The following DNAH9 variants were observed in gnomAD, a reference collection of about 807,000 sequenced individuals.
DNAH9 encodes DNAH9 variant protein.
A neutral mutation model predicts 471.6 loss-of-function variants in DNAH9; 345 were observed. The ratio of observed to expected loss-of-function variants is 0.73; its 90% confidence interval spans 0.67 to 0.80. The LOEUF is 0.80. Ranked by LOEUF, DNAH9 falls within the 30% of genes least tolerant of loss-of-function variation. DNAH9 has a pLI of 0.00. For missense variants in DNAH9, 5,407 were observed against 5,609.2 expected (o/e 0.96, Z 1.15); for synonymous variants, 2,093 against 2,123.6 (o/e 0.99, Z 0.40).
intron 45 of DNAH9, among the ~76,000 whole-genome samples, chr17:11,816,117 G>GT (rs111387367): frequency 0.1 from 15,314 of 152,114 alleles, 2,032 homozygotes; most frequent in African/African-American, 0.3. Flanking sequence ...TTAGGAATGA[G>GT]TTCCCCATAT....
rs560178774 is a variant in DNAH9 at position 11,809,722 on chromosome 17, A to G, written c.8584-524A>G. ...GGTCATTCAGTTGTTTGAGTCTTACATATAAGTAAGACGTAAGACATACTT... is the reference window on the plus strand; with the variant it reads ...GGTCATTCAGTTGTTTGAGTCTTACGTATAAGTAAGACGTAAGACATACTT... On this transcript the variant is annotated intron_variant, in intron 44 of 68. Coordinates refer to ENST00000262442, the MANE Select transcript of DNAH9 (RefSeq NM_001372.4). 2.6e-3 allele frequency among the ~76,000 whole-genome samples: 395 copies of G among 152,284 alleles called. 1 individual carries two copies. Among genetic ancestry groups the G allele is most frequent in the Non-Finnish European group, 3.8e-3 (260 of 68,020 alleles).
At chr17:11,737,022 G>A (rs1311258544) in intron 28 of DNAH9, among the ~76,000 whole-genome samples, 1 of 152,232 alleles carries the variant, frequency 6.6e-6, no homozygotes, top group Non-Finnish European at 1.5e-5. Context: ...GGGTGATGAA[G>A]GCTGCAAGAG....
At chr17:11,712,963 A>G (rs570271825) in intron 26 of DNAH9, among the ~76,000 whole-genome samples, 34 of 152,074 alleles carry the variant, frequency 2.2e-4, no homozygotes, top group African/African-American at 8.2e-4. Context: ...AGGTAAACTC[A>G]TGACATGGGG....
chr17:11,885,256 G>C (rs992903848), intron 56 of DNAH9, among the ~76,000 whole-genome samples: 1 of 152,196 alleles, frequency 6.6e-6, no homozygotes, highest in Non-Finnish European at 1.5e-5. Flanking sequence ...ACACAAAGGA[G>C]GAACACTCAA....
At chr17:11,717,219 A>G (rs186365823) in intron 26 of DNAH9, among the ~76,000 whole-genome samples, 63 of 152,320 alleles carry the variant, frequency 4.1e-4, no homozygotes, top group East Asian at 3.5e-3. Context: ...AAGGAGAAAA[A>G]GGGAACTTAA....
intron 55 of DNAH9, among the ~76,000 whole-genome samples, chr17:11,881,780 C>T (rs958240296): frequency 1.3e-5 from 2 of 152,058 alleles, no homozygotes; most frequent in East Asian, 1.9e-4. Context: ...GGCATGGTGG[C>T]GCTAGCCTGT....
intron 49 of DNAH9, among the ~76,000 whole-genome samples, chr17:11,843,225 T>C (rs28678685): frequency 0.5 from 75,984 of 152,028 alleles, 19,504 homozygotes; most frequent in Non-Finnish European, 0.55. Context: ...CACCTAAATG[T>C]TGTGAAATAT....
At chr17:11,652,371 T>C (rs1008241881) in intron 13 of DNAH9, among the ~76,000 whole-genome samples, 15 of 141,658 alleles carry the variant, frequency 1.1e-4, no homozygotes, top group Non-Finnish European at 4.5e-5. Context: ...CTGCAAGCTC[T>C]GCCTCCCGGG....
intron 1 of DNAH9, among the ~76,000 whole-genome samples, chr17:11,602,970 G>A (rs2321842): frequency 0.024 from 3,589 of 152,186 alleles, 137 homozygotes; most frequent in African/African-American, 0.081. Context: ...CCATGCACAC[G>A]GTCTCTTCTC....
intron 11 of DNAH9, 106 bp from the exon 12 acceptor site, chr17:11,646,966 T>G (rs2073405743): frequency 8.7e-7 from 1 of 1,147,588 alleles, no homozygotes; most frequent in Non-Finnish European, 1.2e-6. Context: ...CCAGCCTGGT[T>G]GGGTCAATGA....
At chr17:11,611,250 A>G (rs898217196) in intron 3 of DNAH9, among the ~76,000 whole-genome samples, 1 of 152,176 alleles carries the variant, frequency 6.6e-6, no homozygotes, top group East Asian at 1.9e-4. Flanking sequence ...TTTTGTCTGT[A>G]CCACCCTGCT....
intron 59 of DNAH9, 150 bp from the exon 60 acceptor site, chr17:11,902,569 T>G: frequency 1.3e-6 from 1 of 770,610 alleles, no homozygotes; most frequent in Non-Finnish European, 2.0e-6. Flanking sequence ...CTTTCTTGAT[T>G]TTTCCTGGGG....
chr17:11,942,414 G>T lies in DNAH9; in HGVS notation c.12772G>T (p.Glu4258Ter). The T allele has an allele frequency of 6.2e-7, 1 of 1,614,186 alleles. No individual in the cohort carries two copies. The highest frequency in any genetic ancestry group is 1.1e-5 in the South Asian group (1 of 91,082). Residue 4258 changes from glutamate to a stop codon, truncating the protein, a stop_gained, in exon 67 of 69, where the codon GAG becomes TAG. Coordinates refer to ENST00000262442, the MANE Select transcript of DNAH9 (RefSeq NM_001372.4). LOFTEE classifies it high-confidence loss of function. Reference protein sequence around the residue: ...RTPYIVVAFQECGRMNILTRE... With the variant: ...RTPYIVVAFQ ...CCCTTACATTGTAGTTGCCTTCCAG[G>T]AGTGTGGCCGGATGAATATCCTCAC...
At chr17:11,633,370 T>C (rs928762257) in intron 8 of DNAH9, among the ~76,000 whole-genome samples, 2 of 152,198 alleles carry the variant, frequency 1.3e-5, no homozygotes, top group Non-Finnish European at 2.9e-5. Flanking sequence ...GAAAGAGATT[T>C]CTGTCAAAGC....
At chr17:11,729,980 C>T (rs2075231055) in intron 28 of DNAH9, among the ~76,000 whole-genome samples, 1 of 152,228 alleles carries the variant, frequency 6.6e-6, no homozygotes, top group South Asian at 2.1e-4. Flanking sequence ...CCTTCACTCA[C>T]CACTGCTCCA....
At chr17:11,877,355 C>T (rs1442402176) in intron 53 of DNAH9, among the ~76,000 whole-genome samples, 2 of 150,940 alleles carry the variant, frequency 1.3e-5, no homozygotes, top group Non-Finnish European at 2.9e-5. Flanking sequence ...CGCCTGTAAT[C>T]CCAGCTACTC....
Position 11,727,998 on chromosome 17 carries a change from T to C in DNAH9, c.5814+76T>C, listed in dbSNP as rs117355813. 4.8e-4 allele frequency: 444 copies of C among 934,396 alleles called. 2 individuals are homozygous for C. The East Asian group carries it at 9.7e-3, about 20-fold the overall frequency. 57.9% of individuals were successfully genotyped at this position (934,396 alleles called of 1,614,324 possible). ...CGGAAGTCTATGTCCTCTTGTTTTC[T>C]ACCTCTCCTGAGCATCTACGTCCCT... On this transcript the variant is annotated intron_variant, in intron 28 of 68. Transcript: ENST00000262442.
intron 19 of DNAH9, among the ~76,000 whole-genome samples, chr17:11,685,754 CAG>C (rs1379215818): frequency 1.3e-5 from 2 of 150,922 alleles, no homozygotes; most frequent in African/African-American, 2.4e-5. Flanking sequence ...GAGGCGGGCA[CAG>C]AATTGGAAGG....
At chr17:11,762,770 G>GTTTTTTTTTTTTTTTTT (rs563544881) in intron 35 of DNAH9, among the ~76,000 whole-genome samples, 3 of 90,794 alleles carry the variant, frequency 3.3e-5, no homozygotes, top group Non-Finnish European at 6.6e-5. Context: ...TTTTTTTTTT[G>GTTTTTTTTTTTTTTTTT]TTTTTTTTTT....
Sources: gnomAD v4.1 joint callset for allele counts (sites outside exome capture counted in the v4.1 genomes callset) on GRCh38, gnomAD v4.1.1 for gene constraint, MANE v1.5 for transcripts, NCBI Gene and HGNC (gene_info 2026-07-23, HGNC 2026-07-21) for gene names.